The following RBL2 variants were observed in gnomAD, a reference collection of about 807,000 sequenced individuals.
RBL2 encodes RB transcriptional corepressor like 2.
Under a neutral mutation model 126.0 loss-of-function variants are expected in RBL2, and 56 were observed. The ratio of observed to expected loss-of-function variants is 0.44; its 90% CI spans 0.36 to 0.56. RBL2 has a LOEUF of 0.56. Ranked by LOEUF, RBL2 falls within the 20% of genes least tolerant of loss-of-function variation. RBL2 has a pLI of 0.00. For synonymous variants in RBL2, 454 were observed against 478.5 expected (o/e 0.95, Z 0.67); for missense variants, 1,229 against 1,398.2 (o/e 0.88, Z 1.93).
Position 53,490,142 on chromosome 16 carries a change from A to G in RBL2, c.3262A>G (p.Ile1088Val). The change falls in exon 22 of 22, where the codon ATT becomes GTT. Residue 1088 changes from isoleucine (I) to valine (V), a missense_variant. Coordinates refer to ENST00000262133, the MANE Select transcript of RBL2 (RefSeq NM_005611.4). ...TTTCCCACCATAGAGACTGAGAGAAATTAATAGTATGATACGCACAGGAGA... is the reference window on the plus strand; with the variant it reads ...TTTCCCACCATAGAGACTGAGAGAAGTTAATAGTATGATACGCACAGGAGA... Reference protein sequence around the residue: ...SNSPSKRLREINSMIRTGETP... With the variant: ...SNSPSKRLREVNSMIRTGETP... 2 of 1,580,740 alleles carry G rather than the reference A, an allele frequency of 1.3e-6. No individual in the cohort carries two copies. Among genetic ancestry groups the G allele is most frequent in the Non-Finnish European group, 1.7e-6 (2 of 1,161,408 alleles).
chr16:53,477,874 A>G (rs1189807064), intron 17 of RBL2, among the ~76,000 whole-genome samples: 1 of 152,166 alleles, frequency 6.6e-6, no homozygotes, highest in African/African-American at 2.4e-5. Context: ...TTACGATTAC[A>G]TAATTATCTT....
intron 21 of RBL2, among the ~76,000 whole-genome samples, chr16:53,485,637 C>T (rs1038011689): frequency 1.3e-5 from 2 of 150,700 alleles, no homozygotes; most frequent in African/African-American, 4.9e-5. Flanking sequence ...GGTGGACTGC[C>T]TGAGCTCAGG....
intron 17 of RBL2, among the ~76,000 whole-genome samples, chr16:53,472,430 T>G (rs1960555629): frequency 6.6e-6 from 1 of 152,210 alleles, no homozygotes; most frequent in Admixed American, 6.5e-5. Context: ...ACTTATTATT[T>G]TTATTATAGC....
At chr16:53,472,961 T>G (rs1386493658) in intron 17 of RBL2, among the ~76,000 whole-genome samples, 2 of 152,220 alleles carry the variant, frequency 1.3e-5, no homozygotes, top group African/African-American at 4.8e-5. Context: ...AAGATTTTTT[T>G]CCTCACTGAA....
chr16:53,438,351 A>G (rs896323372), intron 1 of RBL2, among the ~76,000 whole-genome samples: 1 of 152,206 alleles, frequency 6.6e-6, no homozygotes, highest in Admixed American at 6.5e-5. Flanking sequence ...CTCCGAAGGC[A>G]CATGTCCTAA....
intron 7 of RBL2, among the ~76,000 whole-genome samples, chr16:53,454,029 T>C (rs2058141767): frequency 6.6e-6 from 1 of 152,120 alleles, no homozygotes; most frequent in East Asian, 1.9e-4. Flanking sequence ...TGGGTGAAAA[T>C]TGATGATGTG....
At chr16:53,489,715 A>AG (rs1961328634) in intron 21 of RBL2, 4 of 152,948 alleles carry the variant, frequency 2.6e-5, no homozygotes, top group Admixed American at 2.0e-4. Context: ...GCTGCTAAAA[A>AG]CTGAGTAACA....
intron 8 of RBL2, among the ~76,000 whole-genome samples, chr16:53,458,220 C>G (rs888710888): frequency 6.6e-6 from 1 of 152,078 alleles, no homozygotes; most frequent in Non-Finnish European, 1.5e-5. Context: ...GCTCTGTTGC[C>G]AGGTGAAAGT....
Position 53,465,618 on chromosome 16 carries a change from A to T in RBL2, c.1863+16A>T, listed in dbSNP as rs746037407. The T allele has an allele frequency of 2.2e-4, 334 of 1,529,368 alleles. 8 individuals are homozygous for T. In the South Asian group the frequency reaches 4.0e-3, roughly 18 times the overall value. The allele number at this position is 1,529,368 out of a possible 1,614,324, so 94.7% of individuals were successfully genotyped here. On this transcript the variant is annotated intron_variant, in intron 13 of 21. Coordinates refer to ENST00000262133, the MANE Select transcript of RBL2 (RefSeq NM_005611.4). ...ATGTGAAGAGGTTTGTGAAAATAAC[A>T]TCTTTTTATGAGAAAAATACATCAA...
rs2058314200 is a variant in RBL2 at position 53,470,671 on chromosome 16, T to C, written c.2526+8T>C. 1.9e-6 allele frequency: 3 copies of C among 1,613,602 alleles called. No homozygotes were observed. The highest frequency in any genetic ancestry group is 2.5e-6 in the Non-Finnish European group (3 of 1,179,570). ...TCGCTTTTCTTTAGAAAGGTAATTTTTCACATACCTTATCAGAGCATGAGC... is the reference window on the plus strand; with the variant it reads ...TCGCTTTTCTTTAGAAAGGTAATTTCTCACATACCTTATCAGAGCATGAGC... On this transcript the variant is annotated splice_region_variant and intron_variant, in intron 16 of 21. Coordinates refer to ENST00000262133, the MANE Select transcript of RBL2 (RefSeq NM_005611.4).
chr16:53,447,982 T>G (rs1361564825), intron 4 of RBL2, among the ~76,000 whole-genome samples: 1 of 152,124 alleles, frequency 6.6e-6, no homozygotes, highest in Non-Finnish European at 1.5e-5. Flanking sequence ...TTCTTTAAAG[T>G]AGATAGGAAA....
chr16:53,448,124 A>G (rs1016732139), intron 4 of RBL2, among the ~76,000 whole-genome samples: 1 of 151,648 alleles, frequency 6.6e-6, no homozygotes. Context: ...TATAAGAGAG[A>G]CTCTCATTAT....
intron 21 of RBL2, chr16:53,488,631 C>T (rs1961270111): frequency 6.6e-6 from 1 of 152,108 alleles, no homozygotes; most frequent in South Asian, 2.1e-4. Context: ...CTATAACGTA[C>T]TAACATTTAG....
chr16:53,469,094 G>A (rs753624527), intron 14 of RBL2, among the ~76,000 whole-genome samples: 2 of 152,168 alleles, frequency 1.3e-5, no homozygotes, highest in African/African-American at 2.4e-5. Flanking sequence ...GCCATGCCTT[G>A]TGGCATATGC....
chr16:53,441,468 A>G (rs929910941), intron 2 of RBL2, among the ~76,000 whole-genome samples: 9 of 152,200 alleles, frequency 5.9e-5, no homozygotes, highest in Non-Finnish European at 1.2e-4. Context: ...GAAACAACCT[A>G]AATTTCCATT....
chr16:53,446,403 T>C (rs2153139570), intron 3 of RBL2, among the ~76,000 whole-genome samples: 1 of 152,306 alleles, frequency 6.6e-6, no homozygotes, highest in East Asian at 1.9e-4. Flanking sequence ...AATTTCGTTC[T>C]TCTGGGCACC....
intron 17 of RBL2, among the ~76,000 whole-genome samples, chr16:53,474,256 G>A (rs1470047136): frequency 6.6e-6 from 1 of 152,076 alleles, no homozygotes; most frequent in South Asian, 2.1e-4. Flanking sequence ...CTCCCAATGT[G>A]TTGGGATTAT....
intron 8 of RBL2, among the ~76,000 whole-genome samples, chr16:53,458,398 A>T (rs776109274): frequency 2.0e-5 from 3 of 152,182 alleles, no homozygotes; most frequent in East Asian, 3.8e-4. Flanking sequence ...TCTTCTCCAT[A>T]TTTATTGTCA....
rs143801465 is a variant in RBL2 at position 53,444,231 on chromosome 16, A to G, written c.572+1373A>G. 1.5e-3 allele frequency among the ~76,000 whole-genome samples: 235 copies of G among 151,872 alleles called. 2 individuals are homozygous for G. In the East Asian group the frequency reaches 0.017, roughly 11 times the overall value. Reference sequence around the variant, plus strand: ...TTGCATTCGAGCCTGGGCGACAAGAATGAAACTCCATCTCATAAATAAATA... The same window carrying G: ...TTGCATTCGAGCCTGGGCGACAAGAGTGAAACTCCATCTCATAAATAAATA... On this transcript the variant is annotated intron_variant, in intron 3 of 21. Coordinates refer to ENST00000262133, the MANE Select transcript of RBL2 (RefSeq NM_005611.4).
Sources: gnomAD v4.1 joint callset for allele counts (sites outside exome capture counted in the v4.1 genomes callset) on GRCh38, gnomAD v4.1.1 for gene constraint, MANE v1.5 for transcripts, NCBI Gene and HGNC (gene_info 2026-07-23, HGNC 2026-07-21) for gene names.